Variants in CTNNA2 observed in about 807,000 individuals in gnomAD.
The protein encoded by CTNNA2 is catenin alpha 2, also known as catenin alpha-2.
In CTNNA2, 42 loss-of-function variants were observed where a neutral mutation model predicts 101.0. The observed-to-expected ratio is 0.42, with a 90% confidence interval of 0.32 to 0.54. CTNNA2 has a LOEUF of 0.54. Among genes scored for constraint, CTNNA2 ranks in the 20% least tolerant of loss-of-function variants. The pLI is 0.14. For synonymous variants in CTNNA2, 450 were observed against 456.4 expected, an observed-to-expected ratio of 0.99 and a Z score of 0.18; for missense variants, 871 against 1,223.1, an observed-to-expected ratio of 0.71 and a Z score of 4.29.
chr2:79,691,759 A>C, intron 2 of CTNNA2, among the ~76,000 whole-genome samples: 1 of 152,168 alleles, frequency 6.6e-6, no homozygotes, highest in Non-Finnish European at 1.5e-5. Flanking sequence ...CCTGAAAAAA[A>C]CAAGCAATGA....
intron 7 of CTNNA2, among the ~76,000 whole-genome samples, chr2:79,994,108 G>A (rs950002062): frequency 6.6e-6 from 1 of 151,946 alleles, no homozygotes; most frequent in South Asian, 2.1e-4. Flanking sequence ...TTAGAGACAG[G>A]GGTCTTACTA....
chr2:79,319,193 A>G (rs1676562531), intron 3 of CTNNA2, among the ~76,000 whole-genome samples: 1 of 152,182 alleles, frequency 6.6e-6, no homozygotes, highest in East Asian at 1.9e-4. Flanking sequence ...CTGGCAGAAG[A>G]GTTCTGCTTC....
chr2:80,550,287 G>A (rs1006000332), intron 11 of CTNNA2, among the ~76,000 whole-genome samples: 1 of 152,148 alleles, frequency 6.6e-6, no homozygotes, highest in African/African-American at 2.4e-5. Flanking sequence ...ATCATTCTGA[G>A]CCTTCAGCCA....
intron 7 of CTNNA2, among the ~76,000 whole-genome samples, chr2:80,324,448 C>G (rs1679040463): frequency 6.6e-6 from 1 of 152,070 alleles, no homozygotes; most frequent in Admixed American, 6.6e-5. Context: ...GGGGTTAAGC[C>G]CCTACTTAAA....
At position 79,777,777 on chromosome 2, in the gene CTNNA2, A is replaced by G. The variant is rs114354678; in HGVS notation, c.298+33195A>G. ...TATTATGTCCCAATTTCTAACCTAT[A>G]CTATTTCTCCAAATGAGCTAGTGGC... is the stretch of plus-strand genomic sequence containing the variant. On this transcript the variant is annotated intron_variant, in intron 3 of 18. Coordinates refer to ENST00000402739, the MANE Select transcript of CTNNA2 (RefSeq NM_001282597.3). 3.1e-3 allele frequency among the ~76,000 whole-genome samples: 473 copies of G among 152,218 alleles called. 3 individuals carry two copies. The highest frequency in any genetic ancestry group is 0.01 in the African/African-American group (430 of 41,552).
intron 4 of CTNNA2, among the ~76,000 whole-genome samples, chr2:79,416,647 G>A (rs1454797297): frequency 1.3e-5 from 2 of 151,744 alleles, no homozygotes; most frequent in Non-Finnish European, 2.9e-5. Context: ...ACTTACTTCC[G>A]GAAGGAATTA....
At chr2:80,422,166 G>A (rs539102801) in intron 9 of CTNNA2, among the ~76,000 whole-genome samples, 14 of 152,150 alleles carry the variant, frequency 9.2e-5, no homozygotes, top group Non-Finnish European at 1.8e-4. Flanking sequence ...CCTCACAATC[G>A]TGGCGGAAGG....
At chr2:80,480,412 A>C (rs886593243) in intron 9 of CTNNA2, among the ~76,000 whole-genome samples, 4 of 152,152 alleles carry the variant, frequency 2.6e-5, no homozygotes, top group African/African-American at 9.7e-5. Flanking sequence ...CAGACATGAA[A>C]TTAGTGTCTA....
In CTNNA2 at chr2:80,235,524, G is replaced by C. The variant is rs535017829; in HGVS notation, c.1057-157687G>C. 5.3e-5 allele frequency among the ~76,000 whole-genome samples: 8 copies of C among 152,300 alleles called. No homozygotes were observed. The East Asian group carries it at 1.5e-3, about 29-fold the overall frequency. On this transcript the variant is annotated intron_variant, in intron 7 of 18. Coordinates refer to ENST00000402739, the MANE Select transcript of CTNNA2 (RefSeq NM_001282597.3). ...AGCAGGAGAGAACAAGTGGCTGCTG[G>C]CTCCTTTGTGTCAGTTGGGAGAGTC...
chr2:79,445,221 G>T (rs922730005), intron 4 of CTNNA2, among the ~76,000 whole-genome samples: 4 of 152,108 alleles, frequency 2.6e-5, no homozygotes, highest in African/African-American at 9.7e-5. Context: ...AAAGTCAGAA[G>T]ATTTTTGACT....
rs574257617 is a variant in CTNNA2 at position 79,861,136 on chromosome 2, T to C, written c.465+2957T>C. On this transcript the variant is annotated intron_variant, in intron 4 of 18. Coordinates refer to ENST00000402739, the MANE Select transcript of CTNNA2 (RefSeq NM_001282597.3). Reference sequence around the variant, plus strand: ...CAGTTGCTTTCTAAGAAGAGTAAAGTAGTGACTCTGGTTTTCTAGTTGGGT... The same window carrying C: ...CAGTTGCTTTCTAAGAAGAGTAAAGCAGTGACTCTGGTTTTCTAGTTGGGT... Among the ~76,000 whole-genome samples the C allele has an allele frequency of 2.3e-4, 35 of 152,330 alleles. 1 individual carries two copies. The South Asian group carries it at 7.3e-3, about 32-fold the overall frequency.
intron 2 of CTNNA2, among the ~76,000 whole-genome samples, chr2:79,299,397 G>A (rs757689843): frequency 5.9e-5 from 9 of 152,126 alleles, no homozygotes; most frequent in Non-Finnish European, 1.0e-4. Flanking sequence ...TAGGTGAAGC[G>A]GCTAATAAGT....
At chr2:80,012,958 G>C (rs1274368074) in intron 7 of CTNNA2, among the ~76,000 whole-genome samples, 2 of 152,254 alleles carry the variant, frequency 1.3e-5, no homozygotes, top group South Asian at 2.1e-4. Flanking sequence ...GGGCTCTGGA[G>C]TTTGAGACCA....
chr2:80,604,308 T>C (rs1302097988), intron 16 of CTNNA2, 129 bp downstream of exon 16: 20 of 695,978 alleles, frequency 2.9e-5, no homozygotes, highest in Non-Finnish European at 4.1e-5. Context: ...ATCACTGATA[T>C]TTTACACACT....
chr2:79,853,680 T>C (rs534595660), intron 3 of CTNNA2, among the ~76,000 whole-genome samples: 2 of 151,612 alleles, frequency 1.3e-5, no homozygotes, highest in South Asian at 4.2e-4. Flanking sequence ...CTTTTTTTTT[T>C]TTTTTGAGAT....
chr2:80,087,076 T>C (rs537573791), intron 7 of CTNNA2, among the ~76,000 whole-genome samples: 6 of 152,184 alleles, frequency 3.9e-5, no homozygotes, highest in Non-Finnish European at 7.4e-5. Context: ...TATTTTGCTA[T>C]GTCAACCTTC....
chr2:80,460,272 G>C (rs1684317040), intron 9 of CTNNA2, among the ~76,000 whole-genome samples: 1 of 151,560 alleles, frequency 6.6e-6, no homozygotes, highest in South Asian at 2.1e-4. Context: ...TCCTAATCTT[G>C]AGTGACAGTC....
At chr2:79,196,084 G>C (rs144797183) in intron 1 of CTNNA2, among the ~76,000 whole-genome samples, 1 of 151,958 alleles carries the variant, frequency 6.6e-6, no homozygotes, top group Non-Finnish European at 1.5e-5. Flanking sequence ...TTACAGGCAC[G>C]AGCCCCCATG....
chr2:79,692,183 A>C (rs562452280), intron 2 of CTNNA2, among the ~76,000 whole-genome samples: 1 of 152,288 alleles, frequency 6.6e-6, no homozygotes, highest in East Asian at 1.9e-4. Context: ...ACAAGAGAAA[A>C]AGAACCACAT....
Sources: allele counts gnomAD v4.1 joint callset (sites outside exome capture counted in the v4.1 genomes callset), GRCh38; gene constraint gnomAD v4.1.1; transcripts MANE v1.5; gene names NCBI Gene and HGNC (gene_info 2026-07-23, HGNC 2026-07-21).